The following PITPNC1 variants were observed in gnomAD, a reference collection of about 807,000 sequenced individuals.
PITPNC1 encodes the protein cytoplasmic phosphatidylinositol transfer protein 1.
PITPNC1 carries 18 observed loss-of-function variants against 44.7 expected under a neutral mutation model. That is an observed-to-expected ratio of 0.40 (90% CI 0.28 to 0.60). The LOEUF (loss-of-function observed/expected upper bound fraction) is 0.60, where lower values mean the gene tolerates loss of function less well. Among genes scored for constraint, PITPNC1 ranks in the 20% least tolerant of loss-of-function variants. The pLI is 0.39. For missense variants in PITPNC1, 290 were observed against 418.4 expected (o/e 0.69, Z 2.68); for synonymous variants, 141 against 149.6 (o/e 0.94, Z 0.42).
intron 1 of PITPNC1, among the ~76,000 whole-genome samples, chr17:67,380,317 C>T (rs554231168): frequency 7.2e-5 from 11 of 152,126 alleles, no homozygotes; most frequent in Non-Finnish European, 1.0e-4. Context: ...TCAGGCAATC[C>T]GCCTGCCTCA....
intron 5 of PITPNC1, among the ~76,000 whole-genome samples, chr17:67,620,707 G>A (rs571099955): frequency 6.6e-6 from 1 of 152,296 alleles, no homozygotes; most frequent in African/African-American, 2.4e-5. Flanking sequence ...AAGCACTGAA[G>A]TTTACCCAGC....
intron 1 of PITPNC1, among the ~76,000 whole-genome samples, chr17:67,486,752 G>A (rs1329798529): frequency 6.6e-6 from 1 of 152,152 alleles, no homozygotes; most frequent in African/African-American, 2.4e-5. Flanking sequence ...ACAGTTAGGG[G>A]CATCCAGGAA....
At chr17:67,465,341 A>G (rs578033074) in intron 1 of PITPNC1, among the ~76,000 whole-genome samples, 19 of 152,356 alleles carry the variant, frequency 1.2e-4, no homozygotes, top group Non-Finnish European at 2.5e-4. Context: ...CTTATGAGCC[A>G]GTGCAGAGGA....
intron 1 of PITPNC1, among the ~76,000 whole-genome samples, chr17:67,486,893 C>T (rs372714374): frequency 1.3e-5 from 2 of 151,952 alleles, no homozygotes; most frequent in African/African-American, 2.4e-5. Flanking sequence ...ATTAGCTGAG[C>T]GTGGTGGTGC....
At chr17:67,613,995 A>G (rs891002150) in intron 5 of PITPNC1, among the ~76,000 whole-genome samples, 176 of 146,076 alleles carry the variant, frequency 1.2e-3, no homozygotes, top group African/African-American at 4.2e-3. Context: ...CCGAGGTGGG[A>G]GGATCACCTG....
At chr17:67,578,492 A>G (rs924085176) in intron 5 of PITPNC1, among the ~76,000 whole-genome samples, 4 of 152,212 alleles carry the variant, frequency 2.6e-5, no homozygotes, top group African/African-American at 7.2e-5. Context: ...CTCTGAGCAG[A>G]AGCCTCTGAC....
chr17:67,604,855 G>A (rs556788174), intron 5 of PITPNC1, among the ~76,000 whole-genome samples: 3 of 152,186 alleles, frequency 2.0e-5, no homozygotes, highest in African/African-American at 4.8e-5. Flanking sequence ...TGAGGCGGAC[G>A]GATCACCTGA....
At chr17:67,605,014 G>A (rs888413109) in intron 5 of PITPNC1, among the ~76,000 whole-genome samples, 4 of 152,116 alleles carry the variant, frequency 2.6e-5, no homozygotes, top group Non-Finnish European at 4.4e-5. Flanking sequence ...GGGAAGCAGA[G>A]GTTGCAGTGA....
At chr17:67,527,174 T>C (rs559672061) in intron 1 of PITPNC1, among the ~76,000 whole-genome samples, 13 of 152,138 alleles carry the variant, frequency 8.5e-5, no homozygotes, top group Admixed American at 2.6e-4. Context: ...GGCAGTAGCT[T>C]TCTGCCACCT....
rs371871560 is a variant in PITPNC1 at position 67,689,871 on chromosome 17, C to T, written c.683-2701C>T. On this transcript the variant is annotated intron_variant, in intron 8 of 8. Transcript: ENST00000581322. ...CATACCCTGATACACTAAAATTTTTCTCAGTCTCAACTTTATTGTGAAATA... is the reference window on the plus strand; with the variant it reads ...CATACCCTGATACACTAAAATTTTTTTCAGTCTCAACTTTATTGTGAAATA... Among the ~76,000 whole-genome samples, 114 of 152,276 alleles carry T rather than the reference C, an allele frequency of 7.5e-4. 2 individuals carry two copies. Among genetic ancestry groups the T allele is most frequent in the Middle Eastern group, 3.4e-3 (1 of 292 alleles).
intron 1 of PITPNC1, among the ~76,000 whole-genome samples, chr17:67,438,958 CT>C (rs1430922142): frequency 1.3e-5 from 2 of 152,172 alleles, no homozygotes; most frequent in African/African-American, 4.8e-5. Context: ...CAATTGAGCA[CT>C]TTTTTAAATT....
chr17:67,475,233 C>T lies in PITPNC1; in HGVS notation c.49-57569C>T, dbSNP rs184716702. On this transcript the variant is annotated intron_variant, in intron 1 of 8. Coordinates refer to ENST00000581322, the MANE Select transcript of PITPNC1 (RefSeq NM_012417.4). Reference sequence around the variant, plus strand: ...GGTGGAGGGTGTTTTGCTTTCTGCGCGGTTTCTGTGTGGGCCGTGGGAAGC... The same window carrying T: ...GGTGGAGGGTGTTTTGCTTTCTGCGTGGTTTCTGTGTGGGCCGTGGGAAGC... 5.9e-5 allele frequency among the ~76,000 whole-genome samples: 9 copies of T among 152,262 alleles called. No individual in the cohort carries two copies. In the East Asian group the frequency reaches 9.7e-4, roughly 16 times the overall value.
intron 1 of PITPNC1, among the ~76,000 whole-genome samples, chr17:67,506,228 AG>A (rs1474629953): frequency 3.3e-5 from 5 of 152,262 alleles, no homozygotes; most frequent in African/African-American, 1.2e-4. Context: ...TTTAATGTGA[AG>A]AGACACTGCT....
chr17:67,642,561 A>G (rs79940176), intron 6 of PITPNC1, among the ~76,000 whole-genome samples: 2,870 of 152,324 alleles, frequency 0.019, 206 homozygotes, highest in Admixed American at 0.13. Flanking sequence ...AGTTCTCAAC[A>G]ACCCTGGCTG....
intron 1 of PITPNC1, among the ~76,000 whole-genome samples, chr17:67,423,034 C>G (rs903421447): frequency 1.6e-4 from 24 of 151,488 alleles, no homozygotes; most frequent in Admixed American, 1.1e-3. Context: ...TAAGGAAGAG[C>G]TGTGTTTTAA....
intron 4 of PITPNC1, among the ~76,000 whole-genome samples, chr17:67,554,500 C>T (rs1254254793): frequency 2.6e-5 from 4 of 152,098 alleles, no homozygotes; most frequent in East Asian, 1.9e-4. Flanking sequence ...TTAGGCGATC[C>T]GCCCACCTTG....
intron 1 of PITPNC1, among the ~76,000 whole-genome samples, chr17:67,472,116 A>G (rs2144005879): frequency 6.6e-6 from 1 of 152,086 alleles, no homozygotes; most frequent in East Asian, 1.9e-4. Context: ...ATTAGGGGGC[A>G]CATGATATCT....
chr17:67,624,817 C>A (rs1038375534), intron 5 of PITPNC1, among the ~76,000 whole-genome samples: 16 of 152,144 alleles, frequency 1.1e-4, no homozygotes, highest in African/African-American at 3.1e-4. Context: ...AGCCACCATG[C>A]CTGGCCACCA....
intron 4 of PITPNC1, among the ~76,000 whole-genome samples, chr17:67,575,475 T>C (rs2041127753): frequency 6.6e-6 from 1 of 152,238 alleles, no homozygotes; most frequent in Admixed American, 6.5e-5. Flanking sequence ...TCAGATCCCT[T>C]GTTTCACTCA....
Sources: allele counts gnomAD v4.1 joint callset (sites outside exome capture counted in the v4.1 genomes callset), GRCh38; gene constraint gnomAD v4.1.1; transcripts MANE v1.5; gene names NCBI Gene and HGNC (gene_info 2026-07-23, HGNC 2026-07-21).